The following TCF7L1 variants were observed in gnomAD, a reference collection of about 807,000 sequenced individuals.
TCF7L1 encodes transcription factor 7 like 1.
In TCF7L1, 18 loss-of-function variants were observed where a neutral mutation model predicts 63.7. The ratio of observed to expected loss-of-function variants is 0.28; its 90% CI spans 0.20 to 0.42. The LOEUF is 0.42. Ranked by LOEUF, TCF7L1 falls within the 10% of genes least tolerant of loss-of-function variation. TCF7L1 has a pLI of 1.00. For synonymous variants in TCF7L1, 355 were observed against 340.9 expected, an observed-to-expected ratio of 1.04 and a Z score of -0.46; for missense variants, 654 against 779.3, an observed-to-expected ratio of 0.84 and a Z score of 1.91.
intron 4 of TCF7L1, among the ~76,000 whole-genome samples, chr2:85,289,965 C>G (rs979197651): frequency 3.4e-4 from 48 of 141,118 alleles, no homozygotes; most frequent in Non-Finnish European, 5.8e-4. Context: ...CGAGCCACCA[C>G]GCCTAGCCCA....
chr2:85,264,632 T>C (rs574895924), intron 3 of TCF7L1, among the ~76,000 whole-genome samples: 1 of 152,294 alleles, frequency 6.6e-6, no homozygotes, highest in South Asian at 2.1e-4. Flanking sequence ...GGTGTTCTAC[T>C]AGGTCAGTCA....
Position 85,133,809 on chromosome 2 carries a change from A to G in TCF7L1, c.125A>G (p.Gln42Arg). The G allele has an allele frequency of 3.4e-6, 5 of 1,458,546 alleles. No individual in the cohort carries two copies. Among genetic ancestry groups the G allele is most frequent in the Non-Finnish European group, 4.5e-6 (5 of 1,101,938 alleles). 90.4% of individuals were successfully genotyped at this position (1,458,546 alleles called of 1,614,324 possible). The change falls in exon 1 of 12, where the codon CAG (glutamine) becomes CGG (arginine). Residue 42 changes from glutamine to arginine, a missense_variant. By Grantham distance (43) the Gln-to-Arg change is conservative. Coordinates refer to ENST00000282111, the MANE Select transcript of TCF7L1 (RefSeq NM_031283.3). This position sits in a 1 kb window ranked among gnomAD's most constrained non-coding sequence, Gnocchi z 4.4. ...LGANDELIPF[Q>R]DEGGEEQEPS... ...GCGAACGACGAGCTGATCCCCTTCC[A>G]GGACGAGGGGGGCGAGGAGCAGGAG...
At chr2:85,294,622 C>T (rs987346836) in intron 4 of TCF7L1, among the ~76,000 whole-genome samples, 1 of 152,122 alleles carries the variant, frequency 6.6e-6, no homozygotes, top group Non-Finnish European at 1.5e-5. Context: ...ATTGCTGAGC[C>T]AGTGCTGGAT....
intron 3 of TCF7L1, among the ~76,000 whole-genome samples, chr2:85,142,824 G>A (rs1677777877): frequency 6.6e-6 from 1 of 152,214 alleles, no homozygotes; most frequent in South Asian, 2.1e-4. Context: ...CCAGGGAACA[G>A]CCCCAGGACA....
At chr2:85,286,948 A>G (rs1380501613) in intron 4 of TCF7L1, among the ~76,000 whole-genome samples, 1 of 152,232 alleles carries the variant, frequency 6.6e-6, no homozygotes, top group African/African-American at 2.4e-5. Flanking sequence ...GAACAAAAAA[A>G]CAAAACTAAC....
chr2:85,141,322 C>G (rs1287511753), intron 3 of TCF7L1, among the ~76,000 whole-genome samples: 1 of 152,062 alleles, frequency 6.6e-6, no homozygotes, highest in Non-Finnish European at 1.5e-5. Flanking sequence ...GGGAAGTGTT[C>G]CAGGCAAGTG....
chr2:85,155,136 C>T (rs895042359), intron 3 of TCF7L1, among the ~76,000 whole-genome samples: 6 of 152,288 alleles, frequency 3.9e-5, no homozygotes, highest in African/African-American at 1.4e-4. Flanking sequence ...CTCCAAGTAG[C>T]ATCTCATGGT....
At chr2:85,225,609 A>AT (rs1157611922) in intron 3 of TCF7L1, among the ~76,000 whole-genome samples, 70 of 152,086 alleles carry the variant, frequency 4.6e-4, no homozygotes, top group African/African-American at 1.7e-3. Context: ...AATGCTTGTG[A>AT]TTTTTGCACA....
At chr2:85,308,457 C>CTT (rs1491145517) in intron 11 of TCF7L1, among the ~76,000 whole-genome samples, 2,007 of 58,950 alleles carry the variant, frequency 0.034, 156 homozygotes, top group African/African-American at 0.15. Flanking sequence ...CTTTCCCTCC[C>CTT]TCTCTTTCCC....
intron 3 of TCF7L1, among the ~76,000 whole-genome samples, chr2:85,228,477 A>T (rs1427162842): frequency 6.6e-6 from 1 of 152,134 alleles, no homozygotes; most frequent in Non-Finnish European, 1.5e-5. Context: ...GTTTCAAGTG[A>T]GAGAGAGGGA....
Position 85,155,350 on chromosome 2 carries a change from G to T in TCF7L1, c.441+20900G>T, listed in dbSNP as rs185297593. On this transcript the variant is annotated intron_variant, in intron 3 of 11. Transcript: ENST00000282111. ...CACCCCAGCCAGCAGCAGCAGCAAC[G>T]CTCTGTGGAAGCTTTGTTCTTTCGG... Among the ~76,000 whole-genome samples the T allele has an allele frequency of 1.4e-3, 218 of 152,294 alleles. 2 individuals carry two copies. The highest frequency in any genetic ancestry group is 0.01 in the Middle Eastern group (3 of 294).
chr2:85,281,054 C>T (rs1681406871), intron 3 of TCF7L1, among the ~76,000 whole-genome samples: 1 of 140,240 alleles, frequency 7.1e-6, no homozygotes, highest in South Asian at 2.3e-4. Flanking sequence ...GACAAGGTCT[C>T]ACTCTGTCAC....
chr2:85,279,330 G>T (rs1573022896), intron 3 of TCF7L1, among the ~76,000 whole-genome samples: 1 of 152,308 alleles, frequency 6.6e-6, no homozygotes, highest in South Asian at 2.1e-4. Context: ...AGAGCAAGGC[G>T]GGAGGATTGC....
chr2:85,193,203 A>T (rs1285835708), intron 3 of TCF7L1, among the ~76,000 whole-genome samples: 1 of 152,188 alleles, frequency 6.6e-6, no homozygotes, highest in African/African-American at 2.4e-5. Context: ...GATGGCGAGT[A>T]GAGCACAGAG....
chr2:85,307,969 A>G (rs1313458549), intron 11 of TCF7L1, among the ~76,000 whole-genome samples: 1 of 152,200 alleles, frequency 6.6e-6, no homozygotes, highest in Non-Finnish European at 1.5e-5. Context: ...TAGACAATCT[A>G]ATTCCATTGA....
At chr2:85,230,395 G>A (rs1225429076) in intron 3 of TCF7L1, among the ~76,000 whole-genome samples, 6 of 152,138 alleles carry the variant, frequency 3.9e-5, no homozygotes, top group African/African-American at 1.4e-4. Flanking sequence ...GTGCAATGGT[G>A]TGATCTCGGC....
chr2:85,144,948 G>T (rs1335788611), intron 3 of TCF7L1, among the ~76,000 whole-genome samples: 1 of 151,722 alleles, frequency 6.6e-6, no homozygotes, highest in Non-Finnish European at 1.5e-5. Context: ...AGCTGGGTGT[G>T]GTAGCACACA....
chr2:85,302,333 G>A, intron 4 of TCF7L1, 151 bp from the exon 5 acceptor site: 1 of 1,034,518 alleles, frequency 9.7e-7, no homozygotes, highest in Non-Finnish European at 1.5e-6. Flanking sequence ...GCTCTGCTGT[G>A]TCCACTGCTG....
intron 3 of TCF7L1, among the ~76,000 whole-genome samples, chr2:85,220,856 T>C (rs540709656): frequency 5.9e-5 from 9 of 152,230 alleles, no homozygotes; most frequent in Non-Finnish European, 1.2e-4. Flanking sequence ...GAAACAATGA[T>C]TATCTCAATA....
Sources: allele counts gnomAD v4.1 joint callset (sites outside exome capture counted in the v4.1 genomes callset), GRCh38; gene constraint gnomAD v4.1.1; non-coding constraint Gnocchi (gnomAD v3.1); transcripts MANE v1.5; gene names NCBI Gene and HGNC (gene_info 2026-07-23, HGNC 2026-07-21).